Variants in ZSWIM3 observed in about 807,000 individuals in gnomAD.
The protein encoded by ZSWIM3 is zinc finger SWIM domain-containing protein 3.
In ZSWIM3, 27 loss-of-function variants were observed where a neutral mutation model predicts 47.5. The observed-to-expected ratio is 0.57, with a 90% confidence interval of 0.42 to 0.78. ZSWIM3 has a LOEUF of 0.78. Among genes scored for constraint, ZSWIM3 ranks in the 30% least tolerant of loss-of-function variants. The probability of loss-of-function intolerance (pLI) is 0.00; values close to 1 mark genes in which losing one functional copy is unlikely to be tolerated. For synonymous variants in ZSWIM3, 333 were observed against 333.9 expected, an observed-to-expected ratio of 1.00 and a Z score of 0.03; for missense variants, 689 against 861.3, an observed-to-expected ratio of 0.80 and a Z score of 2.50.
chr20:45,867,572 G>C (rs1240681404), intron 1 of ZSWIM3, among the ~76,000 whole-genome samples: 1 of 152,138 alleles, frequency 6.6e-6, no homozygotes, highest in Non-Finnish European at 1.5e-5. Flanking sequence ...CTACATTTCA[G>C]GGAATCAGGA....
rs578241549 is a variant in ZSWIM3, at chr20:45,860,454, T to C, written c.155+2474T>C. 3.3e-3 allele frequency among the ~76,000 whole-genome samples: 462 copies of C among 141,548 alleles called. 4 individuals carry two copies. The highest frequency in any genetic ancestry group is 0.012 in the African/African-American group (449 of 36,080). The allele number at this position is 141,548 out of a possible 152,430, so 92.9% of individuals were successfully genotyped here. A position where few individuals can be genotyped will look rare whatever the true frequency, so the allele number is the denominator to read the frequency against. Reference sequence around the variant, plus strand: ...TGCAGCCGGGAGGTGGAGGTTGCAGTGAGCCAAGATCGTGCCATTGCACTC... The same window carrying C: ...TGCAGCCGGGAGGTGGAGGTTGCAGCGAGCCAAGATCGTGCCATTGCACTC... On this transcript the variant is annotated intron_variant, in intron 1 of 1. Coordinates refer to ENST00000255152, the MANE Select transcript of ZSWIM3 (RefSeq NM_080752.4).
At chr20:45,870,100 T>A (rs1293656262) in intron 1 of ZSWIM3, among the ~76,000 whole-genome samples, 1 of 150,394 alleles carries the variant, frequency 6.6e-6, no homozygotes, top group Non-Finnish European at 1.5e-5. Context: ...TCCTAGCACT[T>A]TGGGAGGCTA....
intron 1 of ZSWIM3, among the ~76,000 whole-genome samples, chr20:45,860,253 G>C (rs1166512795): frequency 6.6e-6 from 1 of 152,132 alleles, no homozygotes; most frequent in African/African-American, 2.4e-5. Flanking sequence ...AGTGGCTGAT[G>C]CCTGTAATCC....
At chr20:45,872,682 C>T (rs1444521942) in intron 1 of ZSWIM3, 2 of 1,276,766 alleles carry the variant, frequency 1.6e-6, no homozygotes, top group East Asian at 1.1e-4. Context: ...ACACAAAAAA[C>T]AAGGTGATGA....
At position 45,877,192 on chromosome 20, in the gene ZSWIM3, G is replaced by T. The variant is rs778080755; in HGVS notation, c.634G>T (p.Asp212Tyr). 3 of 1,613,950 alleles carry T rather than the reference G, an allele frequency of 1.9e-6. No homozygotes were observed. Among genetic ancestry groups the T allele is most frequent in the Non-Finnish European group, 2.5e-6 (3 of 1,180,026 alleles). The change falls in exon 2 of 2, where the codon GAC becomes TAC. Residue 212 changes from aspartate to tyrosine, a missense_variant. Physicochemically the swap from Asp to Tyr is radical, Grantham distance 160. Transcript: ENST00000255152. The part of the protein sequence containing the change: ...RLSFQSSKMT[D>Y]LFIRFPENLL... ...CAGCTTCCAGAGCAGTAAGATGACC[G>T]ACCTGTTCATCCGCTTCCCAGAGAA...
At chr20:45,865,192 A>G (rs1985807839) in intron 1 of ZSWIM3, among the ~76,000 whole-genome samples, 1 of 151,730 alleles carries the variant, frequency 6.6e-6, no homozygotes. Flanking sequence ...GGTGGCGCAC[A>G]CCTGCAATCC....
At position 45,857,903 on chromosome 20, in the gene ZSWIM3, C is replaced by A; in HGVS notation, c.78C>A (p.Cys26Ter). ...CFSAYKRENR[C>*]SFILRDCVSV... ...GCGCCTACAAAAGGGAGAACAGGTGCTCCTTCATTCTCAGGGACTGCGTCT... is the reference window on the plus strand; with the variant it reads ...GCGCCTACAAAAGGGAGAACAGGTGATCCTTCATTCTCAGGGACTGCGTCT... The change falls in exon 1 of 2, where the codon TGC (cysteine) becomes TGA (stop). Residue 26 changes from cysteine (C) to a stop codon, truncating the protein, a stop_gained. Transcript: ENST00000255152. LOFTEE classifies it high-confidence loss of function. 2 of 1,613,600 alleles carry A rather than the reference C, an allele frequency of 1.2e-6. No homozygotes were observed. The highest frequency in any genetic ancestry group is 1.7e-6 in the Non-Finnish European group (2 of 1,179,854).
rs755706420 is a variant in ZSWIM3, at chr20:45,877,474, T to C, written c.916T>C (p.Ser306Pro). 1 of 1,614,138 alleles carries C rather than the reference T, an allele frequency of 6.2e-7. No individual in the cohort carries two copies. Among genetic ancestry groups the C allele is most frequent in the South Asian group, 1.1e-5 (1 of 91,086 alleles). Reference protein sequence around the residue: ...EIFPAARILLSIYHTTRLLEK... With the variant: ...EIFPAARILLPIYHTTRLLEK... The stretch of plus-strand genomic sequence containing the variant: ...CTTTCCTGCTGCCCGCATCCTCCTT[T>C]CCATCTACCACACAACCCGACTCTT... The change falls in exon 2 of 2, where the codon TCC becomes CCC. Residue 306 changes from serine (S) to proline (P), a missense_variant. Coordinates refer to ENST00000255152, the MANE Select transcript of ZSWIM3 (RefSeq NM_080752.4).
chr20:45,861,222 C>T (rs1355348865), intron 1 of ZSWIM3, among the ~76,000 whole-genome samples: 4 of 152,146 alleles, frequency 2.6e-5, no homozygotes, highest in African/African-American at 9.7e-5. Context: ...TCTAGACCAG[C>T]CTGGGCAACA....
chr20:45,876,427 T>C (rs6104384), intron 1 of ZSWIM3, among the ~76,000 whole-genome samples: 79,137 of 151,826 alleles, frequency 0.52, 21,173 homozygotes, highest in Admixed American at 0.6. Context: ...CAGCCTTAAC[T>C]TCCCAGGCTC....
rs751492526 is a variant in ZSWIM3 at position 45,877,878 on chromosome 20, A to G, written c.1320A>G (p.Lys440=). The G allele has an allele frequency of 6.2e-7, 1 of 1,613,998 alleles. No individual in the cohort carries two copies. Among genetic ancestry groups the G allele is most frequent in the East Asian group, 2.2e-5 (1 of 44,894 alleles). Residue 440 remains lysine (K), a synonymous_variant, in exon 2 of 2, where the codon AAA becomes AAG. Transcript: ENST00000255152. ...AGAACTTGCCCACACCTCCTCCCAA[A>G]TTAAAGAGAGCTCGGCCGGCAAGCA... ...GLKNLPTPPP[K]LKRARPASMP... is the part of the protein sequence containing the mutation.
chr20:45,864,384 T>C (rs1416530644), intron 1 of ZSWIM3, among the ~76,000 whole-genome samples: 1 of 152,172 alleles, frequency 6.6e-6, no homozygotes, highest in Non-Finnish European at 1.5e-5. Context: ...TTTTGAGTGA[T>C]ACGTGGGTGT....
In ZSWIM3 at chr20:45,877,779, G is replaced by A. The variant is rs1045493; in HGVS notation, c.1221G>A (p.Arg407=). The A allele has an allele frequency of 0.57, 912,979 of 1,613,792 alleles. 261,046 individuals are homozygous for A. The highest frequency in any genetic ancestry group is 0.63 in the Admixed American group (38,003 of 59,986). ...IVTSKVSSLF[R]EQQSLLDCIL... ...CCAGCAAGGTGTCAAGCCTCTTTCGGGAACAGCAGTCGCTGCTGGACTGCA... is the reference window on the plus strand; with the variant it reads ...CCAGCAAGGTGTCAAGCCTCTTTCGAGAACAGCAGTCGCTGCTGGACTGCA... The change falls in exon 2 of 2, where the codon CGG becomes CGA. Residue 407 remains arginine (R), a synonymous_variant. Coordinates refer to ENST00000255152, the MANE Select transcript of ZSWIM3 (RefSeq NM_080752.4).
chr20:45,877,155 C>T lies in ZSWIM3; in HGVS notation c.597C>T (p.His199=), dbSNP rs755157195. 1.9e-6 allele frequency: 3 copies of T among 1,614,048 alleles called. No homozygotes were observed. Among genetic ancestry groups the T allele is most frequent in the Admixed American group, 1.7e-5 (1 of 59,996 alleles). ...MASFSVGDSQ[H]LDRLSFQSSK... ...CCTTCAGTGTGGGTGACAGCCAGCA[C>T]CTGGACCGGCTCAGCTTCCAGAGCA... Residue 199 remains histidine (H), a synonymous_variant, in exon 2 of 2, where the codon CAC becomes CAT. Coordinates refer to ENST00000255152, the MANE Select transcript of ZSWIM3 (RefSeq NM_080752.4).
In ZSWIM3 at chr20:45,859,816, A is replaced by AAAC. The variant is rs146830909; in HGVS notation, c.155+1836_155+1837insAAC. Among the ~76,000 whole-genome samples the AAAC allele has an allele frequency of 1.2e-3, 149 of 129,344 alleles. 2 individuals are homozygous for AAAC. Among genetic ancestry groups the AAAC allele is most frequent in the Non-Finnish European group, 1.8e-3 (111 of 62,454 alleles). 84.9% of individuals were successfully genotyped at this position (129,344 alleles called of 152,430 possible). A position where few individuals can be genotyped will look rare whatever the true frequency, so the allele number is the denominator to read the frequency against. Reference sequence around the variant, plus strand: ...ACAAAAAAAAAAAAAAAAAAAAAAAACCACAGTTGCCCGTAAACACCCTTC... The same window carrying AAAC: ...ACAAAAAAAAAAAAAAAAAAAAAAAAAACCCACAGTTGCCCGTAAACACCCTTC... On this transcript the variant is annotated intron_variant, in intron 1 of 1. Coordinates refer to ENST00000255152, the MANE Select transcript of ZSWIM3 (RefSeq NM_080752.4).
Position 45,857,870 on chromosome 20 carries a change from G to A in ZSWIM3, c.45G>A (p.Glu15=). 1 of 1,614,152 alleles carries A rather than the reference G, an allele frequency of 6.2e-7. No homozygotes were observed. Among genetic ancestry groups the A allele is most frequent in the South Asian group, 1.1e-5 (1 of 91,086 alleles). ...TCAAGACCTATGAGGACTTCAAGGAGTGCTTCAGCGCCTACAAAAGGGAGA... is the reference window on the plus strand; with the variant it reads ...TCAAGACCTATGAGGACTTCAAGGAATGCTTCAGCGCCTACAAAAGGGAGA... The part of the protein sequence containing the change: ...SCFKTYEDFK[E]CFSAYKRENR... The change falls in exon 1 of 2, where the codon GAG becomes GAA. Residue 15 remains glutamate (E), a synonymous_variant. Transcript: ENST00000255152.
Position 45,878,397 on chromosome 20 carries a change from A to G in ZSWIM3, c.1839A>G (p.Gln613=). Residue 613 remains glutamine, a synonymous_variant, in exon 2 of 2, where the codon CAA becomes CAG. Transcript: ENST00000255152. ...CAAACACAGGCCAGCCTGAGAAGCA[A>G]GGACGGAACGACATGATTCAGGACC... is the stretch of plus-strand genomic sequence containing the variant. ...MVPNTGQPEK[Q]GRNDMIQDLS... The G allele has an allele frequency of 6.2e-7, 1 of 1,614,234 alleles. No individual in the cohort carries two copies. The highest frequency in any genetic ancestry group is 1.6e-4 in the Middle Eastern group (1 of 6,062).
Position 45,878,348 on chromosome 20 carries a change from A to C in ZSWIM3, c.1790A>C (p.Glu597Ala). The C allele has an allele frequency of 6.2e-7, 1 of 1,614,172 alleles. No homozygotes were observed. The highest frequency in any genetic ancestry group is 8.5e-7 in the Non-Finnish European group (1 of 1,180,030). Residue 597 changes from glutamate (E) to alanine (A), a missense_variant, in exon 2 of 2, where the codon GAG (glutamate) becomes GCG (alanine). By Grantham distance (107) the Glu-to-Ala change is moderately radical. Coordinates refer to ENST00000255152, the MANE Select transcript of ZSWIM3 (RefSeq NM_080752.4). ...KYQYLLGPNGELQDRGMVPNT... is the reference protein window; with the variant it reads ...KYQYLLGPNGALQDRGMVPNT... Reference sequence around the variant, plus strand: ...CAGTACCTCCTTGGGCCCAATGGGGAGCTCCAGGATCGTGGTATGGTCCCA... The same window carrying C: ...CAGTACCTCCTTGGGCCCAATGGGGCGCTCCAGGATCGTGGTATGGTCCCA...
rs1239489927 is a variant in ZSWIM3 at position 45,878,461 on chromosome 20, G to A, written c.1903G>A (p.Gly635Arg). The change falls in exon 2 of 2, where the codon GGG becomes AGG. Residue 635 changes from glycine to arginine, a missense_variant. By Grantham distance (125) the Gly-to-Arg change is moderately radical. Transcript: ENST00000255152. ...AGCAAACCTGCTCATGCAGACCGAG[G>A]GGCCAGAGCTGGAGGAACGCTACTC... ...ELANLLMQTE[G>R]PELEERYSTL... 1.2e-6 allele frequency: 2 copies of A among 1,614,200 alleles called. No individual in the cohort carries two copies. The highest frequency in any genetic ancestry group is 1.6e-4 in the Middle Eastern group (1 of 6,062).
Sources: gnomAD v4.1 joint callset for allele counts (sites outside exome capture counted in the v4.1 genomes callset) on GRCh38, gnomAD v4.1.1 for gene constraint, MANE v1.5 for transcripts, NCBI Gene and HGNC (gene_info 2026-07-23, HGNC 2026-07-21) for gene names.